The following RBM23 variants were observed in gnomAD, a reference collection of about 807,000 sequenced individuals.
RBM23 encodes the protein probable RNA-binding protein 23.
Under a neutral mutation model 56.2 loss-of-function variants are expected in RBM23, and 53 were observed. The observed-to-expected ratio is 0.94, with a 90% confidence interval of 0.76 to 1.19. The LOEUF (loss-of-function observed/expected upper bound fraction) is 1.19, where lower values mean the gene tolerates loss of function less well. RBM23 is among the 50% of genes most tolerant of loss of function. The probability of loss-of-function intolerance (pLI) is 0.00; values close to 1 mark genes in which losing one functional copy is unlikely to be tolerated. For synonymous variants in RBM23, 197 were observed against 198.5 expected (o/e 0.99, Z 0.06); for missense variants, 642 against 590.3 (o/e 1.09, Z -0.91).
chr14:22,904,827 C>A, intron 9 of RBM23, 48 bp downstream of exon 9: 7 of 1,610,412 alleles, frequency 4.3e-6, no homozygotes, highest in Non-Finnish European at 5.9e-6. Context: ...CACTCACCCT[C>A]CCCACTTCTT....
rs1370321276 is a variant in RBM23, at chr14:22,899,192, A to G, written c.*2538T>C. On this transcript the variant is annotated 3_prime_UTR_variant, in exon 14 of 14. Transcript: ENST00000359890. ...ACTGAGTCACAAGGACAGAGCCCTC[A>G]TGAGTGGATTAATGTCACTATCACA... 1 of 152,204 alleles carries G rather than the reference A, an allele frequency of 6.6e-6. No individual in the cohort carries two copies. The highest frequency in any genetic ancestry group is 1.5e-5 in the Non-Finnish European group (1 of 68,030). The allele number at this position is 152,204 out of a possible 1,614,324, so 9.4% of individuals were successfully genotyped here.
Position 22,909,493 on chromosome 14 carries a change from C to A in RBM23, c.169G>T (p.Glu57Ter). 6.2e-7 allele frequency: 1 copy of A among 1,612,922 alleles called. No individual in the cohort carries two copies. The highest frequency in any genetic ancestry group is 8.5e-7 in the Non-Finnish European group (1 of 1,179,768). ...NETSGSSTIG[E>*]TSKKKRSRSH... ...TCCTCCCACACTCACTTGCTTGTCT[C>A]CCCGATGGTGCTGCTTCCACTGGTC... is the stretch of plus-strand genomic sequence containing the variant. Residue 57 changes from glutamate to a stop codon, truncating the protein, a stop_gained, in exon 3 of 14, where the codon GAG (glutamate) becomes TAG (stop). Coordinates refer to ENST00000359890, the MANE Select transcript of RBM23 (RefSeq NM_001077351.2). LOFTEE classifies it high-confidence loss of function.
intron 2 of RBM23, 64 bp from the exon 3 acceptor site, chr14:22,909,659 C>T (rs1005295529): frequency 1.4e-5 from 16 of 1,165,884 alleles, no homozygotes; most frequent in Non-Finnish European, 2.1e-5. Context: ...TTCCAATGGG[C>T]AAAGGGAACA....
Position 22,906,240 on chromosome 14 carries a change from C to T in RBM23, c.356G>A (p.Arg119His), listed in dbSNP as rs765616471. The change falls in exon 5 of 14, where the codon CGT becomes CAT. Residue 119 changes from arginine (R) to histidine (H), a missense_variant. Coordinates refer to ENST00000359890, the MANE Select transcript of RBM23 (RefSeq NM_001077351.2). ...CCTGTAATGCACACGATCCTCACGA[C>T]GATGGTCCCGACTTCGCGACTCACT... ...HGSESRSRDH[R>H]REDRVHYRSP... The T allele has an allele frequency of 3.0e-5, 49 of 1,614,250 alleles. No homozygotes were observed. Among genetic ancestry groups the T allele is most frequent in the Middle Eastern group, 1.6e-4 (1 of 6,062 alleles).
intron 2 of RBM23, among the ~76,000 whole-genome samples, chr14:22,910,120 C>A (rs1334914107): frequency 7.5e-6 from 1 of 133,440 alleles, no homozygotes; most frequent in African/African-American, 2.8e-5. Context: ...CCACTGCACT[C>A]CAGCCTGGGC....
intron 1 of RBM23, among the ~76,000 whole-genome samples, chr14:22,912,829 G>T (rs1037621418): frequency 2.0e-5 from 3 of 151,172 alleles, no homozygotes; most frequent in African/African-American, 7.3e-5. Context: ...GTGAAACCCC[G>T]TCTCTACTAA....
At chr14:22,907,232 T>C (rs2041727135) in intron 4 of RBM23, among the ~76,000 whole-genome samples, 3 of 150,296 alleles carry the variant, frequency 2.0e-5, no homozygotes, top group African/African-American at 7.3e-5. Context: ...ATCCCAGCTA[T>C]TCAGGAGGCT....
intron 1 of RBM23, among the ~76,000 whole-genome samples, chr14:22,912,716 G>A (rs897650179): frequency 2.6e-5 from 4 of 152,046 alleles, no homozygotes; most frequent in Admixed American, 6.6e-5. Flanking sequence ...TAGGCCAGGC[G>A]CGGTGGCTCA....
At chr14:22,906,810 G>A (rs1171615270) in intron 4 of RBM23, among the ~76,000 whole-genome samples, 4 of 152,126 alleles carry the variant, frequency 2.6e-5, no homozygotes, top group East Asian at 1.9e-4. Context: ...AGGCCAAGGC[G>A]GGCAGATCAC....
At chr14:22,907,486 A>T (rs1453536042) in intron 4 of RBM23, among the ~76,000 whole-genome samples, 5 of 152,262 alleles carry the variant, frequency 3.3e-5, no homozygotes, top group African/African-American at 4.8e-5. Context: ...ATAAACATTT[A>T]GGTCAAGGAT....
At chr14:22,914,318 T>C in intron 1 of RBM23, among the ~76,000 whole-genome samples, 1 of 107,990 alleles carries the variant, frequency 9.3e-6, no homozygotes, top group African/African-American at 3.6e-5. Context: ...AGCAAGACTC[T>C]GTCTCAAAAA....
rs1422218278 is a variant in RBM23 at position 22,896,745 on chromosome 14, T to C, written c.*4985A>G. On this transcript the variant is annotated 3_prime_UTR_variant, in exon 14 of 14. Coordinates refer to ENST00000359890, the MANE Select transcript of RBM23 (RefSeq NM_001077351.2). ...CTCAGCTCTTTCCTTGCACCCACCT[T>C]CCCACGTGATCTAAGTTGGTTGGTC... 2.6e-5 allele frequency: 4 copies of C among 152,180 alleles called. No homozygotes were observed. The highest frequency in any genetic ancestry group is 5.9e-5 in the Non-Finnish European group (4 of 68,046). The allele number at this position is 152,180 out of a possible 1,614,324, so 9.4% of individuals were successfully genotyped here. A position where few individuals can be genotyped will look rare whatever the true frequency, so the allele number is the denominator to read the frequency against.
chr14:22,906,511 A>G (rs962193884), intron 4 of RBM23, 143 bp from the exon 5 acceptor site: 2 of 958,704 alleles, frequency 2.1e-6, no homozygotes, highest in Non-Finnish European at 3.1e-6. Flanking sequence ...GTAATGTCGT[A>G]ATGTATTACT....
At chr14:22,909,423 A>T in intron 3 of RBM23, 60 bp downstream of exon 3, 1 of 1,375,336 alleles carries the variant, frequency 7.3e-7, no homozygotes, top group Non-Finnish European at 1.0e-6. Flanking sequence ...TTATTTTTCC[A>T]ATGGACAAAA....
chr14:22,902,558 G>A, intron 10 of RBM23, 176 bp from the exon 11 acceptor site: 4 of 1,329,130 alleles, frequency 3.0e-6, no homozygotes, highest in African/African-American at 1.5e-5. Context: ...TCTCTGAAAA[G>A]GACCTTTTCC....
intron 4 of RBM23, among the ~76,000 whole-genome samples, chr14:22,907,405 A>G (rs189985729): frequency 1.3e-5 from 2 of 152,332 alleles, no homozygotes; most frequent in East Asian, 3.9e-4. Context: ...ACTACAGTGT[A>G]CAATAATCTA....
Position 22,897,443 on chromosome 14 carries a change from T to C in RBM23, c.*4287A>G, listed in dbSNP as rs1167801978. The C allele has an allele frequency of 6.6e-6, 1 of 152,246 alleles. No homozygotes were observed. Among genetic ancestry groups the C allele is most frequent in the Admixed American group, 6.5e-5 (1 of 15,300 alleles). 9.4% of individuals were successfully genotyped at this position (152,246 alleles called of 1,614,324 possible). A position where few individuals can be genotyped will look rare whatever the true frequency, so the allele number is the denominator to read the frequency against. ...AGCAGAAGGAGGAAAGGAAGAGAGA[T>C]AGCTGGCAGGTTAGATCACTCCCAT... On this transcript the variant is annotated 3_prime_UTR_variant, in exon 14 of 14. Coordinates refer to ENST00000359890, the MANE Select transcript of RBM23 (RefSeq NM_001077351.2).
chr14:22,918,775 A>C (rs2044045861), intron 1 of RBM23, among the ~76,000 whole-genome samples: 1 of 152,216 alleles, frequency 6.6e-6, no homozygotes, highest in African/African-American at 2.4e-5. Flanking sequence ...TATCGGTGCA[A>C]GATACAGCCA....
intron 11 of RBM23, 23 bp from the exon 12 acceptor site, chr14:22,902,122 G>A (rs751002728): frequency 6.2e-7 from 1 of 1,605,030 alleles, no homozygotes; most frequent in Admixed American, 1.7e-5. Flanking sequence ...GAAAAGGTGG[G>A]ATTAAGCCCC....
Sources: gnomAD v4.1 joint callset for allele counts (sites outside exome capture counted in the v4.1 genomes callset) on GRCh38, gnomAD v4.1.1 for gene constraint, MANE v1.5 for transcripts, NCBI Gene and HGNC (gene_info 2026-07-23, HGNC 2026-07-21) for gene names.